The following PKD1 variants were observed in gnomAD, a reference collection of about 807,000 sequenced individuals.
PKD1 encodes polycystin-1.
PKD1 carries 81 observed loss-of-function variants against 361.7 expected under a neutral mutation model. The observed-to-expected ratio is 0.22, with a 90% CI of 0.19 to 0.27. The LOEUF is 0.27. PKD1 is among the 10% of genes least tolerant of loss of function. The pLI is 1.00. For missense variants in PKD1, 6,399 were observed against 6,118.3 expected, an observed-to-expected ratio of 1.05 and a Z score of -1.53; for synonymous variants, 3,615 against 2,818.3, an observed-to-expected ratio of 1.28 and a Z score of -8.95.
In PKD1 at chr16:2,089,702, G is replaced by A. The variant is rs776638372; in HGVS notation, c.*25C>T. On this transcript the variant is annotated 3_prime_UTR_variant, in exon 46 of 46. Transcript: ENST00000262304. ...TGAGCGGTGTCCACTCCGACTCCAC[G>A]GCCCACCCCCGCCAGGAAGGAGGAC... The A allele has an allele frequency of 3.5e-5, 55 of 1,558,838 alleles. No homozygotes were observed. Among genetic ancestry groups the A allele is most frequent in the Non-Finnish European group, 4.3e-5 (50 of 1,152,664 alleles).
In PKD1 at chr16:2,105,442, G is replaced by A. The variant is rs1200613687; in HGVS notation, c.7896C>T (p.Pro2632=). Residue 2632 remains proline, a synonymous_variant, in exon 21 of 46, where the codon CCC becomes CCT. Transcript: ENST00000262304. ...YERALDVAAE[P]KHERQHRAQI... is the part of the protein sequence containing the mutation. The stretch of plus-strand genomic sequence containing the variant: ...GGGCTCGGTGCTGCCGCTCGTGCTT[G>A]GGCTCTGCCGCCACGTCCAGGGCCC... 2 of 1,590,798 alleles carry A rather than the reference G, an allele frequency of 1.3e-6. No homozygotes were observed. Among genetic ancestry groups the A allele is most frequent in the African/African-American group, 1.4e-5 (1 of 73,550 alleles).
chr16:2,105,827 TGCA>T (rs758312674), intron 20 of PKD1, 35 bp downstream of exon 20: 55 of 1,583,500 alleles, frequency 3.5e-5, no homozygotes, highest in Non-Finnish European at 4.5e-5. Flanking sequence ...CAAGCACGCA[TGCA>T]GCAGATGTGA....
At chr16:2,092,369 AG>A in intron 39 of PKD1, 110 bp downstream of exon 39, 1 of 965,262 alleles carries the variant, frequency 1.0e-6, no homozygotes. Context: ...CGGTGTTAAG[AG>A]GGCAAAGGTC....
rs951742398 is a variant in PKD1 at position 2,113,180 on chromosome 16, G to T, written c.2966C>A (p.Ala989Glu). Residue 989 changes from alanine to glutamate, a missense_variant, in exon 12 of 46, where the codon GCG becomes GAG. Coordinates refer to ENST00000262304, the MANE Select transcript of PKD1 (RefSeq NM_001009944.3). The part of the protein sequence containing the change: ...NVVFNVIYQS[A>E]AVFKLSLTAS... ...ACCTACTGAGAGCTTGAAGACCGCC[G>T]CGCTCTGATAAATGACATTGAAGAC... is the stretch of plus-strand genomic sequence containing the variant. The T allele has an allele frequency of 1.2e-5, 13 of 1,055,306 alleles. No homozygotes were observed. The South Asian group carries it at 1.6e-4, about 13-fold the overall frequency. 65.4% of individuals were successfully genotyped at this position (1,055,306 alleles called of 1,614,324 possible).
At chr16:2,126,747 G>T (rs1280890454) in intron 1 of PKD1, among the ~76,000 whole-genome samples, 1 of 152,250 alleles carries the variant, frequency 6.6e-6, no homozygotes, top group Non-Finnish European at 1.5e-5. Flanking sequence ...CTCCAGAAAA[G>T]AACATGTGTG....
Position 2,089,559 on chromosome 16 carries a change from C to CA in PKD1, c.*167dup, listed in dbSNP as rs1186012029. 3 of 836,310 alleles carry CA rather than the reference C, an allele frequency of 3.6e-6. No homozygotes were observed. In the East Asian group the frequency reaches 8.1e-5, roughly 22 times the overall value. The allele number at this position is 836,310 out of a possible 1,614,324, so 51.8% of individuals were successfully genotyped here. A position where few individuals can be genotyped will look rare whatever the true frequency, so the allele number is the denominator to read the frequency against. On this transcript the variant is annotated 3_prime_UTR_variant, in exon 46 of 46. Coordinates refer to ENST00000262304, the MANE Select transcript of PKD1 (RefSeq NM_001009944.3). ...GGACCCTGGGTCCTGGTTGGCCACACAGCCTCTTTAAAGTGCTGAAGCCCA... is the reference window on the plus strand; with the variant it reads ...GGACCCTGGGTCCTGGTTGGCCACACAAGCCTCTTTAAAGTGCTGAAGCCCA...
At position 2,103,585 on chromosome 16, in the gene PKD1, C is replaced by T; in HGVS notation, c.8472G>A (p.Gln2824=). 1 of 1,610,364 alleles carries T rather than the reference C, an allele frequency of 6.2e-7. No homozygotes were observed. The highest frequency in any genetic ancestry group is 8.5e-7 in the Non-Finnish European group (1 of 1,179,700). ...GALANLSDVV[Q]LIFLVDSNPF... ...GATTGGAGTCCACCAGAAAGATGAGCTGCACCACGTCACTGAGGTTGGCCA... is the reference window on the plus strand; with the variant it reads ...GATTGGAGTCCACCAGAAAGATGAGTTGCACCACGTCACTGAGGTTGGCCA... Residue 2824 remains glutamine (Q), a synonymous_variant, in exon 23 of 46, where the codon CAG becomes CAA. Transcript: ENST00000262304.
intron 21 of PKD1, 106 bp downstream of exon 21, chr16:2,105,216 G>A (rs1307969106): frequency 6.4e-6 from 7 of 1,097,130 alleles, no homozygotes; most frequent in Non-Finnish European, 9.3e-6. Context: ...AAGGAGCCCA[G>A]GCTGGAGGCT....
Position 2,103,807 on chromosome 16 carries a change from G to A in PKD1, c.8250C>T (p.Ser2750=), listed in dbSNP as rs761817144. 21 of 1,609,168 alleles carry A rather than the reference G, an allele frequency of 1.3e-5. No homozygotes were observed. Among genetic ancestry groups the A allele is most frequent in the Non-Finnish European group, 1.5e-5 (18 of 1,179,430 alleles). ...GAESPSRMVA[S]QAYNLTSALM... is the part of the protein sequence containing the mutation. ...GGGCAGAGGTCAGGTTGTAGGCCTG[G>A]GACGCCACCATCCGAGATGGTGACT... Residue 2750 remains serine (S), a synonymous_variant, in exon 23 of 46, where the codon TCC becomes TCT. Coordinates refer to ENST00000262304, the MANE Select transcript of PKD1 (RefSeq NM_001009944.3).
chr16:2,090,774 G>A lies in PKD1; in HGVS notation c.12038C>T (p.Ser4013Phe), dbSNP rs1319097191. The change falls in exon 44 of 46, where the codon TCC becomes TTC. Residue 4013 changes from serine to phenylalanine, a missense_variant. Transcript: ENST00000262304. ...AQQLRFVRQWSVFGKTLCRAL... is the reference protein window; with the variant it reads ...AQQLRFVRQWFVFGKTLCRAL... ...TCGGCATAATGTCTTGCCAAAGACG[G>A]ACCACTGGCGCACGAAGCGTAGCTG... The A allele has an allele frequency of 1.9e-6, 3 of 1,612,596 alleles. No homozygotes were observed. In the South Asian group the frequency reaches 3.3e-5, roughly 18 times the overall value.
In PKD1 at chr16:2,088,791, C is replaced by A. The variant is rs1022828927; in HGVS notation, c.*936G>T. On this transcript the variant is annotated 3_prime_UTR_variant, in exon 46 of 46. Coordinates refer to ENST00000262304, the MANE Select transcript of PKD1 (RefSeq NM_001009944.3). ...GTCGAGGCTCTAGAAGCGGCCATGC[C>A]CACAGAAGTGGTACACAGAAGCAGG... 9 of 821,538 alleles carry A rather than the reference C, an allele frequency of 1.1e-5. No individual in the cohort carries two copies. The highest frequency in any genetic ancestry group is 1.7e-5 in the Non-Finnish European group (9 of 536,776). The allele number at this position is 821,538 out of a possible 1,614,324, so 50.9% of individuals were successfully genotyped here. A position where few individuals can be genotyped will look rare whatever the true frequency, so the allele number is the denominator to read the frequency against.
At chr16:2,096,527 G>GT (rs34291149) in intron 34 of PKD1, among the ~76,000 whole-genome samples, 2 of 151,792 alleles carry the variant, frequency 1.3e-5, no homozygotes, top group African/African-American at 4.8e-5. Context: ...GAATTTTTTT[G>GT]TTTTTGAGAC....
chr16:2,120,930 T>C (rs1167306917), intron 1 of PKD1, among the ~76,000 whole-genome samples: 1 of 150,224 alleles, frequency 6.7e-6, no homozygotes, highest in Non-Finnish European at 1.5e-5. Context: ...GGCAGGAGAA[T>C]CACGTGAACC....
chr16:2,118,516 C>G lies in PKD1; in HGVS notation c.530-54G>C. The G allele has an allele frequency of 7.0e-7, 1 of 1,427,484 alleles. No individual in the cohort carries two copies. Among genetic ancestry groups the G allele is most frequent in the Non-Finnish European group, 9.5e-7 (1 of 1,048,136 alleles). 88.4% of individuals were successfully genotyped at this position (1,427,484 alleles called of 1,614,324 possible). A position where few individuals can be genotyped will look rare whatever the true frequency, so the allele number is the denominator to read the frequency against. On this transcript the variant is annotated intron_variant, in intron 4 of 45. Transcript: ENST00000262304. This position sits in a 1 kb window ranked among gnomAD's most constrained non-coding sequence, Gnocchi z 6.0. ...TTCTGCTCCTCCTGGCTCCACCCCACGCCCCCACATCCGCCCGCCGCACTC... is the reference window on the plus strand; with the variant it reads ...TTCTGCTCCTCCTGGCTCCACCCCAGGCCCCCACATCCGCCCGCCGCACTC...
Position 2,088,710 on chromosome 16 carries a change from G to A in PKD1, c.*1017C>T. 1.4e-6 allele frequency: 2 copies of A among 1,447,982 alleles called. No homozygotes were observed. Among genetic ancestry groups the A allele is most frequent in the South Asian group, 1.3e-5 (1 of 79,906 alleles). The allele number at this position is 1,447,982 out of a possible 1,614,324, so 89.7% of individuals were successfully genotyped here. A position where few individuals can be genotyped will look rare whatever the true frequency, so the allele number is the denominator to read the frequency against. ...GTGCACAGACATAGAGGCACAGATT[G>A]CAGTCAGACAGCTCTTTTATTGACT... On this transcript the variant is annotated 3_prime_UTR_variant, in exon 46 of 46. Coordinates refer to ENST00000262304, the MANE Select transcript of PKD1 (RefSeq NM_001009944.3).
At chr16:2,107,099 G>C in intron 16 of PKD1, 151 bp from the exon 17 acceptor site, 2 of 744,002 alleles carry the variant, frequency 2.7e-6, no homozygotes, top group South Asian at 1.5e-5. Context: ...ATACTCATCC[G>C]GTTTGCCACC....
chr16:2,091,843 C>G lies in PKD1; in HGVS notation c.11475G>C (p.Leu3825=), dbSNP rs763815841. Residue 3825 remains leucine, a synonymous_variant, in exon 41 of 46, where the codon CTG becomes CTC. Transcript: ENST00000262304. ...GCCGGTCGCGGCTCTCCTCCAGGCTCAGGCCCAGCTCCTGCACGTAGCCCC... is the reference window on the plus strand; with the variant it reads ...GCCGGTCGCGGCTCTCCTCCAGGCTGAGGCCCAGCTCCTGCACGTAGCCCC... ...DSGGYVQELG[L]SLEESRDRLR... is the part of the protein sequence containing the mutation. 6.2e-7 allele frequency: 1 copy of G among 1,610,310 alleles called. No individual in the cohort carries two copies. The highest frequency in any genetic ancestry group is 8.5e-7 in the Non-Finnish European group (1 of 1,179,106).
chr16:2,114,848 G>A lies in PKD1; in HGVS notation c.2175C>T (p.Ala725=), dbSNP rs1359022023. 7 of 1,473,212 alleles carry A rather than the reference G, an allele frequency of 4.8e-6. No homozygotes were observed. The highest frequency in any genetic ancestry group is 2.0e-5 in the Admixed American group (1 of 50,968). 91.3% of individuals were successfully genotyped at this position (1,473,212 alleles called of 1,614,324 possible). ...VGLQHDAGPG[A]LLHCSPAPGH... Reference sequence around the variant, plus strand: ...CGGGAGCCGGCGAGCAGTGCAGGAGGGCGCCAGGGCCAGCGTCGTGCTGCA... The same window carrying A: ...CGGGAGCCGGCGAGCAGTGCAGGAGAGCGCCAGGGCCAGCGTCGTGCTGCA... The change falls in exon 11 of 46, where the codon GCC becomes GCT. Residue 725 remains alanine (A), a synonymous_variant. Coordinates refer to ENST00000262304, the MANE Select transcript of PKD1 (RefSeq NM_001009944.3).
rs1273760177 is a variant in PKD1 at position 2,118,725 on chromosome 16, G to T, written c.480C>A (p.Ser160=). The change falls in exon 4 of 46, where the codon TCC becomes TCA. Residue 160 remains serine (S), a synonymous_variant. Coordinates refer to ENST00000262304, the MANE Select transcript of PKD1 (RefSeq NM_001009944.3). The surrounding 1 kb of genome is among the most constrained non-coding windows in gnomAD (Gnocchi z 6.0). The part of the protein sequence containing the change: ...PEAATCAGPG[S]LAGQPLLGIP... ...TGCCAAGCAGAGGCTGGCCAGCCAG[G>T]GAGCCAGGCCCAGCACACGTGGCTG... The T allele has an allele frequency of 2.7e-6, 4 of 1,482,048 alleles. No individual in the cohort carries two copies. In the South Asian group the frequency reaches 4.7e-5, roughly 17 times the overall value. The allele number at this position is 1,482,048 out of a possible 1,614,324, so 91.8% of individuals were successfully genotyped here. A position where few individuals can be genotyped will look rare whatever the true frequency, so the allele number is the denominator to read the frequency against.
Sources: allele counts gnomAD v4.1 joint callset (sites outside exome capture counted in the v4.1 genomes callset), GRCh38; gene constraint gnomAD v4.1.1; non-coding constraint Gnocchi (gnomAD v3.1); transcripts MANE v1.5; gene names NCBI Gene and HGNC (gene_info 2026-07-23, HGNC 2026-07-21).